The following KCNK10 variants were observed in gnomAD, a reference collection of about 807,000 sequenced individuals.
KCNK10 encodes the protein potassium two pore domain channel subfamily K member 10, also known as potassium channel subfamily K member 10.
KCNK10 carries 25 observed loss-of-function variants against 47.7 expected under a neutral mutation model. The observed-to-expected ratio is 0.52, with a 90% CI of 0.38 to 0.73. KCNK10 has a LOEUF of 0.73. Among genes scored for constraint, KCNK10 ranks in the 30% least tolerant of loss-of-function variants. KCNK10 has a pLI of 0.00. For synonymous variants in KCNK10, 303 were observed against 285.6 expected (o/e 1.06, Z -0.61); for missense variants, 563 against 714.5 (o/e 0.79, Z 2.42).
intron 1 of KCNK10, among the ~76,000 whole-genome samples, chr14:88,280,097 T>C (rs1887616499): frequency 6.6e-6 from 1 of 152,142 alleles, no homozygotes; most frequent in East Asian, 1.9e-4. Context: ...CACTGGGTGA[T>C]ACCCATCCTA....
chr14:88,291,060 C>T (rs780922788), intron 1 of KCNK10, among the ~76,000 whole-genome samples: 1 of 152,208 alleles, frequency 6.6e-6, no homozygotes, highest in Non-Finnish European at 1.5e-5. Flanking sequence ...TATTCCCACA[C>T]GTCTTGTACA....
upstream of KCNK10, chr14:88,326,336 ACTT>A (rs1036162846): frequency 7.6e-6 from 9 of 1,188,682 alleles, no homozygotes; most frequent in African/African-American, 9.1e-5. Context: ...TCCCAAGAAA[ACTT>A]AGCCCTTTGG....
intron 1 of KCNK10, among the ~76,000 whole-genome samples, chr14:88,264,707 T>C (rs1212479584): frequency 6.6e-6 from 1 of 152,240 alleles, no homozygotes; most frequent in Non-Finnish European, 1.5e-5. Context: ...TTTTATGGCA[T>C]ATTATCCAAT....
rs539639173 is a variant in KCNK10 at position 88,192,968 on chromosome 14, T to C, written c.682-558A>G. 3.0e-4 allele frequency among the ~76,000 whole-genome samples: 45 copies of C among 152,358 alleles called. 1 individual carries two copies. Among genetic ancestry groups the C allele is most frequent in the African/African-American group, 1.1e-3 (45 of 41,590 alleles). On this transcript the variant is annotated intron_variant, in intron 4 of 6. Transcript: ENST00000319231. ...CCCCATCTTCACCTGTGACCGACTC[T>C]AGCCAAGTATTTGTGTGTTTCTTCG...
chr14:88,263,107 C>T, intron 2 of KCNK10, 95 bp downstream of exon 2: 1 of 1,014,920 alleles, frequency 9.9e-7, no homozygotes, highest in Non-Finnish European at 1.4e-6. Flanking sequence ...CCAAGAGCCT[C>T]TCAACTGAAG....
chr14:88,220,572 C>A (rs1595088273), intron 4 of KCNK10, among the ~76,000 whole-genome samples: 1 of 150,032 alleles, frequency 6.7e-6, no homozygotes, highest in South Asian at 2.1e-4. Context: ...GTCAACTTAC[C>A]TTTGACAAAG....
intron 4 of KCNK10, among the ~76,000 whole-genome samples, chr14:88,204,663 G>A (rs1428597931): frequency 1.3e-5 from 2 of 151,016 alleles, no homozygotes; most frequent in African/African-American, 4.9e-5. Flanking sequence ...TGCAGTTCTG[G>A]AGAGACTGGA....
In KCNK10 at chr14:88,214,328, T is replaced by C. The variant is rs868714096; in HGVS notation, c.681+13047A>G. 3.5e-4 allele frequency among the ~76,000 whole-genome samples: 54 copies of C among 152,324 alleles called. 1 individual carries two copies. Among genetic ancestry groups the C allele is most frequent in the African/African-American group, 1.3e-3 (53 of 41,586 alleles). ...GAATGCTTTGGAGGACAAGGCCAGC[T>C]ATCTCAGGGCACCAAGAGGCTTGGC... is the stretch of plus-strand genomic sequence containing the variant. On this transcript the variant is annotated intron_variant, in intron 4 of 6. Transcript: ENST00000319231.
At chr14:88,286,360 C>A in intron 1 of KCNK10, among the ~76,000 whole-genome samples, 1 of 152,240 alleles carries the variant, frequency 6.6e-6, no homozygotes, top group East Asian at 1.9e-4. Flanking sequence ...GGCTATGCAG[C>A]AATCCCAACT....
chr14:88,280,508 C>T (rs1887627550), intron 1 of KCNK10, among the ~76,000 whole-genome samples: 1 of 152,286 alleles, frequency 6.6e-6, no homozygotes, highest in South Asian at 2.1e-4. Flanking sequence ...CAGCTTCACA[C>T]ACCCAATTGC....
chr14:88,252,960 A>G (rs1465254965), intron 2 of KCNK10, among the ~76,000 whole-genome samples: 1 of 152,080 alleles, frequency 6.6e-6, no homozygotes, highest in African/African-American at 2.4e-5. Context: ...TGTACTCTCT[A>G]AGCCCACCGT....
chr14:88,287,024 T>C (rs1887777926), intron 1 of KCNK10, among the ~76,000 whole-genome samples: 1 of 152,264 alleles, frequency 6.6e-6, no homozygotes, highest in Non-Finnish European at 1.5e-5. Flanking sequence ...TTTACATGCA[T>C]TAACTCATTT....
At chr14:88,259,940 C>CTTATTG (rs1566705868) in intron 2 of KCNK10, among the ~76,000 whole-genome samples, 1 of 152,010 alleles carries the variant, frequency 6.6e-6, no homozygotes, top group African/African-American at 2.4e-5. Flanking sequence ...GTTTGTTTGG[C>CTTATTG]TTTTTGTTTT....
At chr14:88,191,206 A>C (rs1884735894) in intron 5 of KCNK10, among the ~76,000 whole-genome samples, 1 of 152,006 alleles carries the variant, frequency 6.6e-6, no homozygotes, top group Non-Finnish European at 1.5e-5. Flanking sequence ...AGCCATGATC[A>C]CACCACTGCA....
rs411627 is a variant in KCNK10, at chr14:88,184,662, T to C, written c.*873A>G. On this transcript the variant is annotated 3_prime_UTR_variant, in exon 7 of 7. Coordinates refer to ENST00000319231, the MANE Select transcript of KCNK10 (RefSeq NM_138317.3). ...ATTGTTTTGGTATTTCTACCCCTCT[T>C]ATCAAAACAAGTTATAACCAAAGTA... 0.3 allele frequency: 46,167 copies of C among 152,238 alleles called. 7,425 individuals are homozygous for C. Among genetic ancestry groups the C allele is most frequent in the East Asian group, 0.55 (2,903 of 5,298 alleles). The allele number at this position is 152,238 out of a possible 1,614,324, so 9.4% of individuals were successfully genotyped here.
At chr14:88,295,083 C>A (rs371618987) in intron 1 of KCNK10, among the ~76,000 whole-genome samples, 1 of 152,174 alleles carries the variant, frequency 6.6e-6, no homozygotes, top group Non-Finnish European at 1.5e-5. Flanking sequence ...CTAATAAATA[C>A]CTATGATGAC....
intron 2 of KCNK10, among the ~76,000 whole-genome samples, chr14:88,261,225 A>G (rs1444684591): frequency 6.6e-6 from 1 of 152,224 alleles, no homozygotes; most frequent in Admixed American, 6.5e-5. Flanking sequence ...AGGAAAATTC[A>G]AACACAATAC....
chr14:88,300,258 C>T (rs1595128651), intron 1 of KCNK10, among the ~76,000 whole-genome samples: 2 of 152,182 alleles, frequency 1.3e-5, no homozygotes, highest in South Asian at 2.1e-4. Context: ...CCCTGAGTAA[C>T]GAAAGTTCAA....
intron 2 of KCNK10, among the ~76,000 whole-genome samples, chr14:88,250,947 T>TA (rs1319955046): frequency 6.6e-6 from 1 of 152,126 alleles, no homozygotes; most frequent in Non-Finnish European, 1.5e-5. Context: ...TTCAAACAGA[T>TA]ACAAAGGCTG....
Sources: gnomAD v4.1 joint callset for allele counts (sites outside exome capture counted in the v4.1 genomes callset) on GRCh38, gnomAD v4.1.1 for gene constraint, MANE v1.5 for transcripts, NCBI Gene and HGNC (gene_info 2026-07-23, HGNC 2026-07-21) for gene names.